EXT1: variants seen among roughly 807,000 people sequenced by gnomAD.
EXT1 encodes exostosin-1.
Under a neutral mutation model 82.5 loss-of-function variants are expected in EXT1, and 20 were observed. The observed-to-expected ratio is 0.24, with a 90% CI of 0.17 to 0.35. The LOEUF (loss-of-function observed/expected upper bound fraction) is 0.35, where lower values mean the gene tolerates loss of function less well. Among genes scored for constraint, EXT1 ranks in the 10% least tolerant of loss-of-function variants. The pLI, the probability that EXT1 is intolerant of heterozygous loss-of-function variation, is 1.00. For missense variants in EXT1, 757 were observed against 936.5 expected (o/e 0.81, Z 2.50); for synonymous variants, 348 against 350.8 (o/e 0.99, Z 0.09).
At chr8:117,837,011 T>C (rs1812198189) in intron 2 of EXT1, 97 bp downstream of exon 2, 9 of 862,878 alleles carry the variant, frequency 1.0e-5, no homozygotes, top group African/African-American at 1.7e-5. Context: ...AAACCACACC[T>C]TCTCTTTAGC....
chr8:117,896,342 C>T (rs1252832144), intron 1 of EXT1, among the ~76,000 whole-genome samples: 1 of 152,154 alleles, frequency 6.6e-6, no homozygotes, highest in Admixed American at 6.5e-5. Context: ...GCATCTTTAA[C>T]ACAAATCATC....
At chr8:117,977,578 AAT>A (rs1815092677) in intron 1 of EXT1, among the ~76,000 whole-genome samples, 1 of 152,308 alleles carries the variant, frequency 6.6e-6, no homozygotes, top group Non-Finnish European at 1.5e-5. Context: ...AGCAATTTTA[AAT>A]ATGTCAGCTG....
intron 1 of EXT1, among the ~76,000 whole-genome samples, chr8:117,946,641 C>T (rs1029095204): frequency 2.6e-5 from 4 of 152,144 alleles, no homozygotes; most frequent in Admixed American, 6.5e-5. Flanking sequence ...CAATCCTATA[C>T]ACGAGGACCA....
intron 1 of EXT1, among the ~76,000 whole-genome samples, chr8:117,972,179 A>T (rs1814956187): frequency 6.6e-6 from 1 of 151,768 alleles, no homozygotes; most frequent in Non-Finnish European, 1.5e-5. Context: ...AAGAAAAAAA[A>T]GAAAAATGAA....
chr8:117,806,269 C>T (rs545915485), intron 9 of EXT1, among the ~76,000 whole-genome samples: 55 of 152,276 alleles, frequency 3.6e-4, no homozygotes, highest in African/African-American at 1.2e-3. Context: ...AAAGAAAAGC[C>T]GGATTTCTCC....
intron 1 of EXT1, among the ~76,000 whole-genome samples, chr8:118,029,028 T>C (rs1240303962): frequency 6.6e-6 from 1 of 152,236 alleles, no homozygotes; most frequent in Non-Finnish European, 1.5e-5. Flanking sequence ...TATATGATTG[T>C]CTAGTTAGGC....
intron 1 of EXT1, among the ~76,000 whole-genome samples, chr8:117,929,951 C>T (rs113114228): frequency 1.3e-4 from 20 of 152,092 alleles, no homozygotes; most frequent in Non-Finnish European, 2.5e-4. Flanking sequence ...CTACTAAAAA[C>T]ACAAAAATTA....
intron 1 of EXT1, among the ~76,000 whole-genome samples, chr8:117,993,365 T>C (rs1305221217): frequency 1.3e-5 from 2 of 152,236 alleles, no homozygotes; most frequent in Non-Finnish European, 1.5e-5. Context: ...CACAAGTCTC[T>C]GGCCCGGCAG....
At chr8:118,074,266 C>T (rs1817162743) in intron 1 of EXT1, among the ~76,000 whole-genome samples, 1 of 152,200 alleles carries the variant, frequency 6.6e-6, no homozygotes, top group South Asian at 2.1e-4. Context: ...CACGGTAAAT[C>T]TTTTCGTGTC....
intron 1 of EXT1, among the ~76,000 whole-genome samples, chr8:117,852,394 T>C (rs554775646): frequency 6.6e-6 from 1 of 152,298 alleles, no homozygotes; most frequent in Non-Finnish European, 1.5e-5. Flanking sequence ...GAATAAGAGA[T>C]AACATCTTTC....
chr8:117,885,338 T>A (rs566621118), intron 1 of EXT1, among the ~76,000 whole-genome samples: 2 of 152,196 alleles, frequency 1.3e-5, no homozygotes, highest in Admixed American at 6.5e-5. Context: ...GAGATTTACA[T>A]GTAAATTTAA....
At chr8:117,964,615 G>T (rs1223110647) in intron 1 of EXT1, among the ~76,000 whole-genome samples, 1 of 114,874 alleles carries the variant, frequency 8.7e-6, no homozygotes. Flanking sequence ...TTATGTCTGT[G>T]TGTGTGTGTG....
At chr8:118,042,741 G>A (rs1380748125) in intron 1 of EXT1, among the ~76,000 whole-genome samples, 1 of 152,096 alleles carries the variant, frequency 6.6e-6, no homozygotes, top group Non-Finnish European at 1.5e-5. Context: ...GACCAAGTTC[G>A]TACAACACCA....
At chr8:118,033,679 TG>T (rs1407727935) in intron 1 of EXT1, among the ~76,000 whole-genome samples, 3 of 152,082 alleles carry the variant, frequency 2.0e-5, no homozygotes, top group African/African-American at 7.2e-5. Flanking sequence ...GGGGTCTCAC[TG>T]TGTTGCCCTG....
At chr8:117,874,508 G>A (rs534849742) in intron 1 of EXT1, among the ~76,000 whole-genome samples, 20 of 147,642 alleles carry the variant, frequency 1.4e-4, no homozygotes, top group African/African-American at 2.3e-4. Context: ...CCTGGCAGGC[G>A]GAGGTTGCAG....
intron 1 of EXT1, among the ~76,000 whole-genome samples, chr8:118,035,597 A>AAC (rs59295132): frequency 0.028 from 4,247 of 150,256 alleles, 98 homozygotes; most frequent in East Asian, 0.062. Context: ...ACTCAATTCA[A>AAC]ACACACACAC....
intron 1 of EXT1, among the ~76,000 whole-genome samples, chr8:118,041,620 A>G (rs1309952264): frequency 6.6e-6 from 1 of 151,700 alleles, no homozygotes; most frequent in Non-Finnish European, 1.5e-5. Context: ...GCTAGAGGAA[A>G]TATAGATGTA....
chr8:117,813,486 A>G (rs1173018696), intron 7 of EXT1, among the ~76,000 whole-genome samples: 1 of 147,118 alleles, frequency 6.8e-6, no homozygotes, highest in East Asian at 2.1e-4. Context: ...TTCCCAACCG[A>G]AAGAGTGAAT....
At chr8:117,852,233 C>G (rs1199523122) in intron 1 of EXT1, among the ~76,000 whole-genome samples, 4 of 152,174 alleles carry the variant, frequency 2.6e-5, no homozygotes, top group Admixed American at 6.5e-5. Context: ...TGCCTCCTTT[C>G]CATAATGCTT....
Sources: gnomAD v4.1 joint callset for allele counts (sites outside exome capture counted in the v4.1 genomes callset) on GRCh38, gnomAD v4.1.1 for gene constraint, MANE v1.5 for transcripts, NCBI Gene and HGNC (gene_info 2026-07-23, HGNC 2026-07-21) for gene names.